Variants in INSM1 observed in about 807,000 individuals in gnomAD.
INSM1 encodes the protein INSM transcriptional repressor 1.
INSM1 carries 11 observed loss-of-function variants against 21.1 expected under a neutral mutation model. The observed-to-expected ratio is 0.52, with a 90% CI of 0.33 to 0.86. The LOEUF (loss-of-function observed/expected upper bound fraction) is 0.86. INSM1 is among the 40% of genes least tolerant of loss of function. The pLI is 0.03. For synonymous variants in INSM1, 473 were observed against 386.1 expected, an observed-to-expected ratio of 1.23 and a Z score of -2.64; for missense variants, 843 against 760.1, an observed-to-expected ratio of 1.11 and a Z score of -1.28.
rs769648955 is a variant in INSM1 at position 20,369,122 on chromosome 20, C to T, written c.855C>T (p.His285=). The change falls in exon 1 of 1, where the codon CAC becomes CAT. Residue 285 remains histidine, a synonymous_variant. Transcript: ENST00000310227. This position sits in a 1 kb window ranked among gnomAD's most constrained non-coding sequence, Gnocchi z 5.6. ...CCGACCCGTTCGCGCTGGCGCAGCA[C>T]AAATGCTCGCGCATCGTGCGTGTGG... ...EYADPFALAQ[H]KCSRIVRVEY... is the part of the protein sequence containing the mutation. 6 of 1,586,218 alleles carry T rather than the reference C, an allele frequency of 3.8e-6. No homozygotes were observed. Among genetic ancestry groups the T allele is most frequent in the Admixed American group, 1.7e-5 (1 of 58,388 alleles).
Position 20,369,786 on chromosome 20 carries a change from C to A in INSM1, c.1519C>A (p.Arg507Ser). 2 of 1,596,648 alleles carry A rather than the reference C, an allele frequency of 1.3e-6. No homozygotes were observed. The highest frequency in any genetic ancestry group is 1.7e-6 in the Non-Finnish European group (2 of 1,172,088). ...RQVILLQVPV[R>S]PAC ...GGTGATCCTCCTGCAGGTGCCCGTG[C>A]GCCCGGCCTGCTAGAGCGCGCCCTC... Residue 507 changes from arginine to serine, a missense_variant, in exon 1 of 1, where the codon CGC becomes AGC. Arg to Ser is a moderately radical substitution (Grantham distance 110). Transcript: ENST00000310227. This position sits in a 1 kb window ranked among gnomAD's most constrained non-coding sequence, Gnocchi z 5.6.
In INSM1 at chr20:20,369,282, G is replaced by T; in HGVS notation, c.1015G>T (p.Ala339Ser). The T allele has an allele frequency of 7.2e-7, 1 of 1,379,616 alleles. No homozygotes were observed. 85.5% of individuals were successfully genotyped at this position (1,379,616 alleles called of 1,614,324 possible). A position where few individuals can be genotyped will look rare whatever the true frequency, so the allele number is the denominator to read the frequency against. ...PEPEAAARAE[A>S]REAPGGGSDR... ...GCCAGAAGCAGCAGCCAGGGCTGAG[G>T]CGCGGGAGGCACCCGGCGGCGGCAG... Residue 339 changes from alanine to serine, a missense_variant, in exon 1 of 1, where the codon GCG (alanine) becomes TCG (serine). Coordinates refer to ENST00000310227, the MANE Select transcript of INSM1 (RefSeq NM_002196.3). This position sits in a 1 kb window ranked among gnomAD's most constrained non-coding sequence, Gnocchi z 5.6.
Position 20,368,571 on chromosome 20 carries a change from C to G in INSM1, c.304C>G (p.Pro102Ala). Residue 102 changes from proline (P) to alanine (A), a missense_variant, in exon 1 of 1, where the codon CCC becomes GCC. Pro to Ala is a conservative substitution (Grantham distance 27). Transcript: ENST00000310227. The surrounding 1 kb of genome is among the most constrained non-coding windows in gnomAD (Gnocchi z 4.3). ...EAAHPAPLYS[P>A]TRPVSREHEK... ...TGCGCACCCCGCGCCGCTCTACAGT[C>G]CCACGCGGCCCGTGAGCCGCGAGCA... The G allele has an allele frequency of 6.9e-7, 1 of 1,453,174 alleles. No homozygotes were observed. The highest frequency in any genetic ancestry group is 9.2e-7 in the Non-Finnish European group (1 of 1,089,918). 90.0% of individuals were successfully genotyped at this position (1,453,174 alleles called of 1,614,324 possible).
chr20:20,368,239 C>T lies in INSM1; in HGVS notation c.-29C>T, dbSNP rs2059482960. The stretch of plus-strand genomic sequence containing the variant: ...GGCCGAGCGCGGAGGGGGGACCGAG[C>T]CAGTGCCGTGCCCTCGGGCCGCGCC... On this transcript the variant is annotated 5_prime_UTR_variant, in exon 1 of 1. Coordinates refer to ENST00000310227, the MANE Select transcript of INSM1 (RefSeq NM_002196.3). This position sits in a 1 kb window ranked among gnomAD's most constrained non-coding sequence, Gnocchi z 4.3. The T allele has an allele frequency of 5.1e-6, 6 of 1,168,558 alleles. No homozygotes were observed. The highest frequency in any genetic ancestry group is 2.4e-5 in the South Asian group (1 of 41,454). 72.4% of individuals were successfully genotyped at this position (1,168,558 alleles called of 1,614,324 possible).
Position 20,368,329 on chromosome 20 carries a change from G to T in INSM1, c.62G>T (p.Arg21Leu). ...KKSTPVSYRV[R>L]GGEDGDRALL... is the part of the protein sequence containing the mutation. The stretch of plus-strand genomic sequence containing the variant: ...TCCACGCCCGTTTCCTACCGGGTCC[G>T]CGGCGGCGAGGACGGCGACCGCGCA... The change falls in exon 1 of 1, where the codon CGC becomes CTC. Residue 21 changes from arginine to leucine, a missense_variant. Coordinates refer to ENST00000310227, the MANE Select transcript of INSM1 (RefSeq NM_002196.3). The surrounding 1 kb of genome is among the most constrained non-coding windows in gnomAD (Gnocchi z 4.3). The T allele has an allele frequency of 7.7e-7, 1 of 1,291,072 alleles. No individual in the cohort carries two copies. The highest frequency in any genetic ancestry group is 1.0e-6 in the Non-Finnish European group (1 of 1,002,186). 80.0% of individuals were successfully genotyped at this position (1,291,072 alleles called of 1,614,324 possible).
In INSM1 at chr20:20,369,420, C is replaced by T; in HGVS notation, c.1153C>T (p.His385Tyr). The stretch of plus-strand genomic sequence containing the variant: ...CCGCCGCCAGGCCTACCTACGCAAG[C>T]ACCTGCTGGCGCACCACCAGGCGCT... Reference protein sequence around the residue: ...KFRRQAYLRKHLLAHHQALQA... With the variant: ...KFRRQAYLRKYLLAHHQALQA... The change falls in exon 1 of 1, where the codon CAC (histidine) becomes TAC (tyrosine). Residue 385 changes from histidine (H) to tyrosine (Y), a missense_variant. Physicochemically the swap from His to Tyr is moderately conservative, Grantham distance 83. Transcript: ENST00000310227. This position sits in a 1 kb window ranked among gnomAD's most constrained non-coding sequence, Gnocchi z 5.6. 1.3e-6 allele frequency: 2 copies of T among 1,551,660 alleles called. No homozygotes were observed. Among genetic ancestry groups the T allele is most frequent in the Non-Finnish European group, 8.6e-7 (1 of 1,159,930 alleles).
chr20:20,368,558 G>C lies in INSM1; in HGVS notation c.291G>C (p.Ala97=). The C allele has an allele frequency of 7.1e-7, 1 of 1,405,272 alleles. No homozygotes were observed. Among genetic ancestry groups the C allele is most frequent in the African/African-American group, 1.5e-5 (1 of 66,358 alleles). 87.1% of individuals were successfully genotyped at this position (1,405,272 alleles called of 1,614,324 possible). The change falls in exon 1 of 1, where the codon GCG becomes GCC. Residue 97 remains alanine, a synonymous_variant. Transcript: ENST00000310227. The surrounding 1 kb of genome is among the most constrained non-coding windows in gnomAD (Gnocchi z 4.3). ...GCAACCCCGAGGCTGCGCACCCCGC[G>C]CCGCTCTACAGTCCCACGCGGCCCG... ...HFGNPEAAHP[A]PLYSPTRPVS...
rs1398335862 is a variant in INSM1, at chr20:20,369,060, G to A, written c.793G>A (p.Gly265Ser). The A allele has an allele frequency of 2.5e-6, 4 of 1,570,258 alleles. No individual in the cohort carries two copies. The South Asian group carries it at 4.6e-5, about 18-fold the overall frequency. The change falls in exon 1 of 1, where the codon GGC (glycine) becomes AGC (serine). Residue 265 changes from glycine to serine, a missense_variant. Coordinates refer to ENST00000310227, the MANE Select transcript of INSM1 (RefSeq NM_002196.3). This position sits in a 1 kb window ranked among gnomAD's most constrained non-coding sequence, Gnocchi z 5.6. ...GRAGGAARPL[G>S]EFICQLCKEE... The stretch of plus-strand genomic sequence containing the variant: ...CGCGGGGGGCGCGGCGCGGCCGCTG[G>A]GCGAGTTCATCTGCCAGCTGTGCAA...
Position 20,368,317 on chromosome 20 carries a change from C to A in INSM1, c.50C>A (p.Ser17Tyr). 3 of 1,313,266 alleles carry A rather than the reference C, an allele frequency of 2.3e-6. No individual in the cohort carries two copies. The highest frequency in any genetic ancestry group is 3.0e-6 in the Non-Finnish European group (3 of 1,015,124). The allele number at this position is 1,313,266 out of a possible 1,614,324, so 81.4% of individuals were successfully genotyped here. The part of the protein sequence containing the change: ...VKRSKKSTPV[S>Y]YRVRGGEDGD... ...CGCAGCAAGAAGTCCACGCCCGTTT[C>A]CTACCGGGTCCGCGGCGGCGAGGAC... is the stretch of plus-strand genomic sequence containing the variant. The change falls in exon 1 of 1, where the codon TCC becomes TAC. Residue 17 changes from serine (S) to tyrosine (Y), a missense_variant. By Grantham distance (144) the Ser-to-Tyr change is moderately radical (BLOSUM62 -2). Coordinates refer to ENST00000310227, the MANE Select transcript of INSM1 (RefSeq NM_002196.3). This position sits in a 1 kb window ranked among gnomAD's most constrained non-coding sequence, Gnocchi z 4.3.
chr20:20,368,179 C>A lies in INSM1; in HGVS notation c.-89C>A. ...CACGCGAGTCCCGCAGCCGCCGCGC[C>A]CGGGCAATGGGCCGGGGGCACTGAG... On this transcript the variant is annotated 5_prime_UTR_variant, in exon 1 of 1. Coordinates refer to ENST00000310227, the MANE Select transcript of INSM1 (RefSeq NM_002196.3). The surrounding 1 kb of genome is among the most constrained non-coding windows in gnomAD (Gnocchi z 4.3). 1.0e-6 allele frequency: 1 copy of A among 964,280 alleles called. No homozygotes were observed. Among genetic ancestry groups the A allele is most frequent in the Non-Finnish European group, 1.3e-6 (1 of 798,576 alleles). The allele number at this position is 964,280 out of a possible 1,614,324, so 59.7% of individuals were successfully genotyped here. A position where few individuals can be genotyped will look rare whatever the true frequency, so the allele number is the denominator to read the frequency against.
Position 20,369,492 on chromosome 20 carries a change from G to A in INSM1, c.1225G>A (p.Ala409Thr), listed in dbSNP as rs753223102. 1 of 1,543,320 alleles carries A rather than the reference G, an allele frequency of 6.5e-7. No homozygotes were observed. The highest frequency in any genetic ancestry group is 2.0e-5 in the Admixed American group (1 of 50,412). ...AGCGCCCCCGGCCGAGGACCTACTGGCCTTGTACCCCGGGCCCGACGAGAA... is the reference window on the plus strand; with the variant it reads ...AGCGCCCCCGGCCGAGGACCTACTGACCTTGTACCCCGGGCCCGACGAGAA... Reference protein sequence around the residue: ...PLAPPAEDLLALYPGPDEKAP... With the variant: ...PLAPPAEDLLTLYPGPDEKAP... Residue 409 changes from alanine to threonine, a missense_variant, in exon 1 of 1, where the codon GCC (alanine) becomes ACC (threonine). By Grantham distance (58) the Ala-to-Thr change is moderately conservative. Coordinates refer to ENST00000310227, the MANE Select transcript of INSM1 (RefSeq NM_002196.3). The surrounding 1 kb of genome is among the most constrained non-coding windows in gnomAD (Gnocchi z 5.6).
rs1377189721 is a variant in INSM1 at position 20,370,197 on chromosome 20, T to G, written c.*397T>G. On this transcript the variant is annotated 3_prime_UTR_variant, in exon 1 of 1. Transcript: ENST00000310227. ...TCTGGTCTCGCCTCGCCTACCAATC[T>G]CTGCTCTCTATGTATGTAGCGTACG... is the stretch of plus-strand genomic sequence containing the variant. The G allele has an allele frequency of 5.0e-6, 1 of 199,344 alleles. No homozygotes were observed. The highest frequency in any genetic ancestry group is 1.1e-5 in the Non-Finnish European group (1 of 89,952). The allele number at this position is 199,344 out of a possible 1,614,324, so 12.3% of individuals were successfully genotyped here.
Position 20,369,853 on chromosome 20 carries a change from A to G in INSM1, c.*53A>G. The G allele has an allele frequency of 1.3e-6, 2 of 1,498,784 alleles. No individual in the cohort carries two copies. Among genetic ancestry groups the G allele is most frequent in the Non-Finnish European group, 1.8e-6 (2 of 1,108,118 alleles). 92.8% of individuals were successfully genotyped at this position (1,498,784 alleles called of 1,614,324 possible). ...CTGTGCCTTCGCTTGGAGACCCACA[A>G]AGAGAGTGCGCCCTGCACTCCCCGA... is the stretch of plus-strand genomic sequence containing the variant. On this transcript the variant is annotated 3_prime_UTR_variant, in exon 1 of 1. Transcript: ENST00000310227. The surrounding 1 kb of genome is among the most constrained non-coding windows in gnomAD (Gnocchi z 5.6).
chr20:20,369,777 G>A lies in INSM1; in HGVS notation c.1510G>A (p.Val504Met). The change falls in exon 1 of 1, where the codon GTG becomes ATG. Residue 504 changes from valine to methionine, a missense_variant. By Grantham distance (21) the Val-to-Met change is conservative. Transcript: ENST00000310227. The surrounding 1 kb of genome is among the most constrained non-coding windows in gnomAD (Gnocchi z 5.6). ...AAACAGACAGGTGATCCTCCTGCAG[G>A]TGCCCGTGCGCCCGGCCTGCTAGAG... Reference protein sequence around the residue: ...SENRQVILLQVPVRPAC With the variant: ...SENRQVILLQMPVRPAC The A allele has an allele frequency of 6.3e-7, 1 of 1,599,326 alleles. No homozygotes were observed. The highest frequency in any genetic ancestry group is 8.5e-7 in the Non-Finnish European group (1 of 1,174,138).
rs1226895733 is a variant in INSM1, at chr20:20,370,446, A to C, written c.*646A>C. On this transcript the variant is annotated 3_prime_UTR_variant, in exon 1 of 1. Transcript: ENST00000310227. ...ATTGTTTTGTGGGGGGAGGGAAGGG[A>C]GTGTTCCGAAGATGCTGTAGTAACT... 1 of 167,050 alleles carries C rather than the reference A, an allele frequency of 6.0e-6. No homozygotes were observed. The highest frequency in any genetic ancestry group is 1.5e-5 in the Non-Finnish European group (1 of 68,146). 10.3% of individuals were successfully genotyped at this position (167,050 alleles called of 1,614,324 possible).
rs769561074 is a variant in INSM1, at chr20:20,369,045, G to A, written c.778G>A (p.Ala260Thr). ...GGCGCCGCGGGGCCGCGCGGGGGGC[G>A]CGGCGCGGCCGCTGGGCGAGTTCAT... ...VEAPRGRAGG[A>T]ARPLGEFICQ... The change falls in exon 1 of 1, where the codon GCG becomes ACG. Residue 260 changes from alanine to threonine, a missense_variant. Transcript: ENST00000310227. This position sits in a 1 kb window ranked among gnomAD's most constrained non-coding sequence, Gnocchi z 5.6. 6.5e-7 allele frequency: 1 copy of A among 1,548,578 alleles called. No individual in the cohort carries two copies. The highest frequency in any genetic ancestry group is 2.1e-5 in the Admixed American group (1 of 48,712).
chr20:20,369,382 G>C lies in INSM1; in HGVS notation c.1115G>C (p.Cys372Ser). The C allele has an allele frequency of 6.5e-7, 1 of 1,549,250 alleles. No homozygotes were observed. Among genetic ancestry groups the C allele is most frequent in the South Asian group, 1.2e-5 (1 of 84,850 alleles). ...SEDGLYECHHCAKKFRRQAYL... is the reference protein window; with the variant it reads ...SEDGLYECHHSAKKFRRQAYL... ...GACGGGCTCTACGAGTGCCATCACT[G>C]CGCCAAGAAGTTCCGCCGCCAGGCC... Residue 372 changes from cysteine (C) to serine (S), a missense_variant, in exon 1 of 1, where the codon TGC becomes TCC. Physicochemically the swap from Cys to Ser is moderately radical, Grantham distance 112. Transcript: ENST00000310227. This position sits in a 1 kb window ranked among gnomAD's most constrained non-coding sequence, Gnocchi z 5.6.
Position 20,368,695 on chromosome 20 carries a change from G to A in INSM1, c.428G>A (p.Gly143Asp). The A allele has an allele frequency of 1.5e-6, 2 of 1,291,128 alleles. No homozygotes were observed. The highest frequency in any genetic ancestry group is 9.9e-7 in the Non-Finnish European group (1 of 1,005,248). 80.0% of individuals were successfully genotyped at this position (1,291,128 alleles called of 1,614,324 possible). ...GCCGCGCTGCTCGGAGGGGGCGGCG[G>A]CGGCGGCGCGAGCGGAGCTGGCGGA... ...TPAALLGGGG[G>D]GGASGAGGGG... The change falls in exon 1 of 1, where the codon GGC becomes GAC. Residue 143 changes from glycine (G) to aspartate (D), a missense_variant. Coordinates refer to ENST00000310227, the MANE Select transcript of INSM1 (RefSeq NM_002196.3). This position sits in a 1 kb window ranked among gnomAD's most constrained non-coding sequence, Gnocchi z 4.3.
rs1457799560 is a variant in INSM1 at position 20,368,348 on chromosome 20, C to A, written c.81C>A (p.Asp27Glu). Residue 27 changes from aspartate (D) to glutamate (E), a missense_variant, in exon 1 of 1, where the codon GAC becomes GAA. By Grantham distance (45) the Asp-to-Glu change is conservative (BLOSUM62 2). Coordinates refer to ENST00000310227, the MANE Select transcript of INSM1 (RefSeq NM_002196.3). The surrounding 1 kb of genome is among the most constrained non-coding windows in gnomAD (Gnocchi z 4.3). ...GGGTCCGCGGCGGCGAGGACGGCGA[C>A]CGCGCACTGCTGCTCTCGCCCAGCT... is the stretch of plus-strand genomic sequence containing the variant. ...SYRVRGGEDG[D>E]RALLLSPSCG... The A allele has an allele frequency of 1.6e-6, 2 of 1,246,382 alleles. No individual in the cohort carries two copies. The highest frequency in any genetic ancestry group is 1.6e-5 in the African/African-American group (1 of 62,430). The allele number at this position is 1,246,382 out of a possible 1,614,324, so 77.2% of individuals were successfully genotyped here. A position where few individuals can be genotyped will look rare whatever the true frequency, so the allele number is the denominator to read the frequency against.
Sources: allele counts gnomAD v4.1 joint callset, GRCh38; gene constraint gnomAD v4.1.1; non-coding constraint Gnocchi (gnomAD v3.1); transcripts MANE v1.5; gene names NCBI Gene and HGNC (gene_info 2026-07-23, HGNC 2026-07-21).